The following VIT variants were observed in gnomAD, a reference collection of about 807,000 sequenced individuals.
VIT encodes vitrin.
A neutral mutation model predicts 78.0 loss-of-function variants in VIT; 99 were observed. The observed-to-expected ratio is 1.27, with a 90% CI of 1.08 to 1.50. The LOEUF (loss-of-function observed/expected upper bound fraction) is 1.50, where lower values mean the gene tolerates loss of function less well. Among genes scored for constraint, VIT ranks in the 40% most tolerant of loss-of-function variants. VIT has a pLI of 0.00. For missense variants in VIT, 1,126 were observed against 875.3 expected (o/e 1.29, Z -3.61); for synonymous variants, 374 against 334.3 (o/e 1.12, Z -1.29).
At chr2:36,798,044 T>C (rs1470948171) in intron 12 of VIT, among the ~76,000 whole-genome samples, 2 of 152,132 alleles carry the variant, frequency 1.3e-5, no homozygotes, top group South Asian at 2.1e-4. Context: ...GGGTGAACAG[T>C]TCATTTTGAC....
intron 6 of VIT, among the ~76,000 whole-genome samples, chr2:36,763,848 G>GC (rs1669266072): frequency 6.6e-6 from 1 of 151,992 alleles, no homozygotes; most frequent in Non-Finnish European, 1.5e-5. Flanking sequence ...CTCGGCCCCC[G>GC]CAAGTGCTAG....
chr2:36,753,414 G>C (rs1436973988), intron 4 of VIT, among the ~76,000 whole-genome samples: 4 of 152,076 alleles, frequency 2.6e-5, no homozygotes, highest in African/African-American at 4.8e-5. Context: ...AGGTGTCCGC[G>C]GCACCTTCTC....
chr2:36,800,549 G>A lies in VIT; in HGVS notation c.1059-752G>A, dbSNP rs899303685. On this transcript the variant is annotated intron_variant, in intron 12 of 15. Transcript: ENST00000379242. ...CAGGTCTCACGCCCACGAAGTCAGC[G>A]CTGCCTGTGGCTGAGTGTCAGTGGT... is the stretch of plus-strand genomic sequence containing the variant. 3.9e-5 allele frequency among the ~76,000 whole-genome samples: 6 copies of A among 152,258 alleles called. No individual in the cohort carries two copies. The East Asian group carries it at 5.8e-4, about 15-fold the overall frequency.
chr2:36,700,197 G>A (rs1280625687), intron 1 of VIT, among the ~76,000 whole-genome samples: 1 of 151,994 alleles, frequency 6.6e-6, no homozygotes, highest in Non-Finnish European at 1.5e-5. Flanking sequence ...CTTTATCCAG[G>A]GAATCTGAGC....
At chr2:36,789,100 G>C (rs1665305995) in intron 12 of VIT, among the ~76,000 whole-genome samples, 1 of 152,196 alleles carries the variant, frequency 6.6e-6, no homozygotes, top group South Asian at 2.1e-4. Context: ...AGGGAAATGT[G>C]TGTGTTTTCC....
At chr2:36,783,924 C>T (rs957653251) in intron 11 of VIT, among the ~76,000 whole-genome samples, 2 of 152,152 alleles carry the variant, frequency 1.3e-5, no homozygotes, top group East Asian at 3.9e-4. Flanking sequence ...TTCTTCGAGA[C>T]ATTTGATCTG....
At chr2:36,734,887 T>C (rs1667418685) in intron 3 of VIT, among the ~76,000 whole-genome samples, 1 of 152,130 alleles carries the variant, frequency 6.6e-6, no homozygotes. Context: ...GAAAATAATC[T>C]GGCAGGCTGG....
Position 36,730,445 on chromosome 2 carries a change from G to A in VIT, c.118+954G>A, listed in dbSNP as rs866184496. Among the ~76,000 whole-genome samples, 21 of 152,102 alleles carry A rather than the reference G, an allele frequency of 1.4e-4. 1 individual carries two copies. The highest frequency in any genetic ancestry group is 1.2e-3 in the South Asian group (6 of 4,820). ...CTTCTAATTCTGCCATTTTCCATGC[G>A]GCTCCCAATTCATTGCCCAAAATGG... On this transcript the variant is annotated intron_variant, in intron 3 of 15. Coordinates refer to ENST00000379242, the MANE Select transcript of VIT (RefSeq NM_053276.4).
intron 15 of VIT, among the ~76,000 whole-genome samples, chr2:36,811,158 C>A (rs771954019): frequency 2.6e-5 from 4 of 152,136 alleles, no homozygotes; most frequent in Admixed American, 2.6e-4. Flanking sequence ...TGCATGCCAA[C>A]AATCACAAGG....
intron 6 of VIT, among the ~76,000 whole-genome samples, chr2:36,763,980 T>C (rs966786899): frequency 1.3e-5 from 2 of 152,036 alleles, no homozygotes; most frequent in Admixed American, 6.6e-5. Context: ...TATGATACAC[T>C]TGAAAGCATC....
chr2:36,703,641 G>T (rs1302268854), intron 1 of VIT, among the ~76,000 whole-genome samples: 2 of 152,110 alleles, frequency 1.3e-5, no homozygotes, highest in African/African-American at 2.4e-5. Flanking sequence ...CAAATATGAC[G>T]CTTGAAAAAT....
chr2:36,722,559 A>T (rs1418741921), intron 2 of VIT, among the ~76,000 whole-genome samples: 1 of 152,242 alleles, frequency 6.6e-6, no homozygotes, highest in Non-Finnish European at 1.5e-5. Context: ...GGGAAACCTG[A>T]ACTATGTTTA....
At chr2:36,763,490 T>C (rs1669241589) in intron 6 of VIT, among the ~76,000 whole-genome samples, 1 of 151,720 alleles carries the variant, frequency 6.6e-6, no homozygotes, top group Non-Finnish European at 1.5e-5. Flanking sequence ...CTTGGTTCCA[T>C]GAAGAATTCA....
intron 2 of VIT, among the ~76,000 whole-genome samples, chr2:36,723,803 T>A (rs1208881312): frequency 1.3e-5 from 2 of 151,746 alleles, no homozygotes. Context: ...AATAAAAAAG[T>A]AGCCAGGCAC....
rs564637060 is a variant in VIT at position 36,806,239 on chromosome 2, A to G, written c.1389+575A>G. On this transcript the variant is annotated intron_variant, in intron 14 of 15. Transcript: ENST00000379242. ...GAACACCACATAAAACTTCCTCCAA[A>G]GAAAAGGCTCCAGCTTTAAAATAGA... Among the ~76,000 whole-genome samples the G allele has an allele frequency of 2.0e-5, 3 of 152,280 alleles. No homozygotes were observed. In the South Asian group the frequency reaches 6.2e-4, roughly 32 times the overall value.
At chr2:36,755,180 C>T in intron 5 of VIT, 126 bp downstream of exon 5, 1 of 1,083,900 alleles carries the variant, frequency 9.2e-7, no homozygotes. Flanking sequence ...ATTCGTTTTT[C>T]TGATAATTAG....
intron 11 of VIT, among the ~76,000 whole-genome samples, chr2:36,786,452 C>G (rs1275823691): frequency 6.6e-6 from 1 of 152,110 alleles, no homozygotes; most frequent in African/African-American, 2.4e-5. Flanking sequence ...CTTTACCTCT[C>G]TTATAACCTT....
intron 6 of VIT, among the ~76,000 whole-genome samples, chr2:36,765,503 A>G (rs1342433597): frequency 6.6e-6 from 1 of 151,744 alleles, no homozygotes; most frequent in South Asian, 2.1e-4. Context: ...ACTATCATGA[A>G]AACAGCATGA....
chr2:36,728,272 A>G (rs1180780315), intron 2 of VIT, among the ~76,000 whole-genome samples: 2 of 151,794 alleles, frequency 1.3e-5, no homozygotes, highest in Non-Finnish European at 2.9e-5. Context: ...TTTAGAGTAT[A>G]CTCCTTCACT....
Sources: gnomAD v4.1 joint callset for allele counts (sites outside exome capture counted in the v4.1 genomes callset) on GRCh38, gnomAD v4.1.1 for gene constraint, MANE v1.5 for transcripts, NCBI Gene and HGNC (gene_info 2026-07-23, HGNC 2026-07-21) for gene names.